GNPAT: variants seen among roughly 807,000 people sequenced by gnomAD.
GNPAT encodes glyceronephosphate O-acyltransferase, also known as dihydroxyacetone phosphate acyltransferase.
In GNPAT, 30 loss-of-function variants were observed where a neutral mutation model predicts 78.4. The observed-to-expected ratio is 0.38, with a 90% CI of 0.29 to 0.52. The LOEUF (loss-of-function observed/expected upper bound fraction) is 0.52, where lower values mean the gene tolerates loss of function less well. Among genes scored for constraint, GNPAT ranks in the 20% least tolerant of loss-of-function variants. GNPAT has a pLI of 0.84. For missense variants in GNPAT, 714 were observed against 812.2 expected (o/e 0.88, Z 1.47); for synonymous variants, 271 against 281.1 (o/e 0.96, Z 0.36).
At chr1:231,259,637 A>C (rs1685165420) in intron 2 of GNPAT, among the ~76,000 whole-genome samples, 1 of 142,852 alleles carries the variant, frequency 7.0e-6, no homozygotes, top group Non-Finnish European at 1.5e-5. Context: ...ACAAGAGCGA[A>C]ACTCCGTCTC....
At position 231,265,693 on chromosome 1, in the gene GNPAT, G is replaced by T. The variant is rs753865102; in HGVS notation, c.697-19G>T. On this transcript the variant is annotated intron_variant, in intron 5 of 15. Coordinates refer to ENST00000366647, the MANE Select transcript of GNPAT (RefSeq NM_014236.4). Reference sequence around the variant, plus strand: ...GAGTAGGCAATGGGTTTTGTGTTTTGTTTGTTTTCTCTTTAAAGAATGGTT... The same window carrying T: ...GAGTAGGCAATGGGTTTTGTGTTTTTTTTGTTTTCTCTTTAAAGAATGGTT... 2.0e-6 allele frequency: 3 copies of T among 1,492,078 alleles called. No homozygotes were observed. Among genetic ancestry groups the T allele is most frequent in the East Asian group, 2.3e-5 (1 of 44,316 alleles). The allele number at this position is 1,492,078 out of a possible 1,614,324, so 92.4% of individuals were successfully genotyped here. A position where few individuals can be genotyped will look rare whatever the true frequency, so the allele number is the denominator to read the frequency against.
intron 2 of GNPAT, among the ~76,000 whole-genome samples, chr1:231,253,334 T>C (rs1341393550): frequency 1.3e-5 from 2 of 152,340 alleles, no homozygotes; most frequent in East Asian, 3.9e-4. Context: ...AGACTTCAAG[T>C]TATACCATAT....
chr1:231,251,409 T>A (rs1299566844), intron 2 of GNPAT, among the ~76,000 whole-genome samples: 9 of 152,130 alleles, frequency 5.9e-5, no homozygotes, highest in African/African-American at 2.2e-4. Context: ...GAGCCCAGTG[T>A]GCAGGGGCGC....
In GNPAT at chr1:231,267,423, A is replaced by G. The variant is rs368917317; in HGVS notation, c.1056-257A>G. ...GATGTATCCTATTTAGGAAGCAACA[A>G]AAGTTTTTTGCCTGGAACCAGGAAT... On this transcript the variant is annotated intron_variant, in intron 8 of 15. Transcript: ENST00000366647. 5.3e-5 allele frequency among the ~76,000 whole-genome samples: 8 copies of G among 152,334 alleles called. No individual in the cohort carries two copies. The East Asian group carries it at 1.3e-3, about 26-fold the overall frequency.
At chr1:231,262,626 C>T in intron 3 of GNPAT, 97 bp from the exon 4 acceptor site, 1 of 960,648 alleles carries the variant, frequency 1.0e-6, no homozygotes, top group Non-Finnish European at 1.7e-6. Context: ...ATGGGTATTC[C>T]CTCTAAATAT....
rs1253398014 is a variant in GNPAT at position 231,264,228 on chromosome 1, G to T, written c.569-1065G>T. Among the ~76,000 whole-genome samples the T allele has an allele frequency of 2.0e-5, 3 of 152,102 alleles. No individual in the cohort carries two copies. In the East Asian group the frequency reaches 5.8e-4, roughly 29 times the overall value. ...TTATCCTAAGAGTTTTATGGTTTCA[G>T]GTCTTACATTAAGATCTTTGGTTTT... On this transcript the variant is annotated intron_variant, in intron 4 of 15. Transcript: ENST00000366647.
intron 2 of GNPAT, among the ~76,000 whole-genome samples, chr1:231,254,232 T>C (rs1419932540): frequency 6.6e-6 from 1 of 152,142 alleles, no homozygotes; most frequent in Non-Finnish European, 1.5e-5. Flanking sequence ...CTGAGAAAAA[T>C]CACATAAACT....
intron 1 of GNPAT, among the ~76,000 whole-genome samples, chr1:231,245,969 CA>C (rs930273865): frequency 2.6e-4 from 38 of 144,038 alleles, no homozygotes; most frequent in South Asian, 8.7e-4. Context: ...AACTCTGTCT[CA>C]AAAAAAAAAA....
In GNPAT at chr1:231,241,295, C is replaced by T. The variant is rs112452735; in HGVS notation, c.-84C>T. ...CCGCCCTAGGCGAAGTAGGGCCGTC[C>T]TGAGCGAAAGAACCGCCCCCAGCAG... On this transcript the variant is annotated 5_prime_UTR_variant, in exon 1 of 16. Transcript: ENST00000366647. 3,293 of 1,421,962 alleles carry T rather than the reference C, an allele frequency of 2.3e-3. 66 individuals are homozygous for T. In the African/African-American group the frequency reaches 0.042, roughly 18 times the overall value. 88.1% of individuals were successfully genotyped at this position (1,421,962 alleles called of 1,614,324 possible). A position where few individuals can be genotyped will look rare whatever the true frequency, so the allele number is the denominator to read the frequency against.
chr1:231,270,786 G>A lies in GNPAT; in HGVS notation c.1308G>A (p.Pro436=), dbSNP rs151138534. 849 of 1,613,908 alleles carry A rather than the reference G, an allele frequency of 5.3e-4. 14 individuals carry two copies. In the South Asian group the frequency reaches 8.5e-3, roughly 16 times the overall value. Residue 436 remains proline (P), a synonymous_variant, in exon 10 of 16, where the codon CCG becomes CCA. Coordinates refer to ENST00000366647, the MANE Select transcript of GNPAT (RefSeq NM_014236.4). ...ATAAACCTGCTGAAGAAGTTGTCCC[G>A]GCCAGCATTCTTCTGCATTCCAACA... The part of the protein sequence containing the change: ...PDNKPAEEVV[P]ASILLHSNIA...
chr1:231,266,988 C>T (rs140921792), intron 8 of GNPAT, among the ~76,000 whole-genome samples: 1 of 152,266 alleles, frequency 6.6e-6, no homozygotes, highest in African/African-American at 2.4e-5. Flanking sequence ...TGTAACTTAT[C>T]TGTAGCTTTA....
At position 231,272,278 on chromosome 1, in the gene GNPAT, A is replaced by G. The variant is rs368256928; in HGVS notation, c.1523-34A>G. 5 of 1,091,226 alleles carry G rather than the reference A, an allele frequency of 4.6e-6. 1 individual carries two copies. The highest frequency in any genetic ancestry group is 2.4e-5 in the East Asian group (1 of 42,192). 67.6% of individuals were successfully genotyped at this position (1,091,226 alleles called of 1,614,324 possible). A position where few individuals can be genotyped will look rare whatever the true frequency, so the allele number is the denominator to read the frequency against. On this transcript the variant is annotated intron_variant, in intron 10 of 15. Coordinates refer to ENST00000366647, the MANE Select transcript of GNPAT (RefSeq NM_014236.4). ...GTACTCCCTTAAAGTTTAAAGGGCAATGTTGTAATTTTACATGATGCATTT... is the reference window on the plus strand; with the variant it reads ...GTACTCCCTTAAAGTTTAAAGGGCAGTGTTGTAATTTTACATGATGCATTT...
intron 4 of GNPAT, among the ~76,000 whole-genome samples, chr1:231,265,002 G>A (rs542885801): frequency 1.0e-3 from 155 of 152,262 alleles, no homozygotes; most frequent in African/African-American, 3.5e-3. Context: ...GTATTTTAAT[G>A]TCAAAGTATA....
intron 3 of GNPAT, 82 bp downstream of exon 3, chr1:231,260,765 A>G: frequency 2.1e-6 from 2 of 961,530 alleles, no homozygotes; most frequent in Non-Finnish European, 3.2e-6. Flanking sequence ...CTCTTTTTCA[A>G]CCCCTCACAA....
intron 1 of GNPAT, among the ~76,000 whole-genome samples, chr1:231,246,888 G>A (rs925973646): frequency 6.6e-6 from 1 of 152,198 alleles, no homozygotes; most frequent in Non-Finnish European, 1.5e-5. Context: ...CACTGGATTC[G>A]GCCGGGCGCG....
At chr1:231,262,587 T>C (rs1207007066) in intron 3 of GNPAT, 136 bp from the exon 4 acceptor site, 1 of 717,238 alleles carries the variant, frequency 1.4e-6, no homozygotes, top group Non-Finnish European at 2.5e-6. Context: ...AAATCGTTTA[T>C]GTGTATGGCA....
rs1685759858 is a variant in GNPAT at position 231,277,844 on chromosome 1, A to G, written c.*302A>G. ...TAACACTTTTCAGCTTACTATATGT[A>G]TTAAACTTTTATGTTGACTTTTGAA... On this transcript the variant is annotated 3_prime_UTR_variant, in exon 16 of 16. Transcript: ENST00000366647. 3.7e-6 allele frequency: 1 copy of G among 272,880 alleles called. No individual in the cohort carries two copies. Among genetic ancestry groups the G allele is most frequent in the African/African-American group, 2.2e-5 (1 of 45,888 alleles). The allele number at this position is 272,880 out of a possible 1,614,324, so 16.9% of individuals were successfully genotyped here.
chr1:231,274,326 T>A (rs1416431298), intron 12 of GNPAT, among the ~76,000 whole-genome samples: 3 of 152,206 alleles, frequency 2.0e-5, no homozygotes, highest in Non-Finnish European at 4.4e-5. Flanking sequence ...AGGACCACAG[T>A]TACACCCACG....
At chr1:231,253,309 T>C (rs1408788188) in intron 2 of GNPAT, among the ~76,000 whole-genome samples, 2 of 152,216 alleles carry the variant, frequency 1.3e-5, no homozygotes, top group Non-Finnish European at 1.5e-5. Flanking sequence ...GTCTTGTCTT[T>C]AGGAGTATTG....
Sources: allele counts gnomAD v4.1 joint callset (sites outside exome capture counted in the v4.1 genomes callset), GRCh38; gene constraint gnomAD v4.1.1; transcripts MANE v1.5; gene names NCBI Gene and HGNC (gene_info 2026-07-23, HGNC 2026-07-21).